ANK3: variants seen among roughly 807,000 people sequenced by gnomAD.
ANK3 encodes the protein ankyrin-3.
Under a neutral mutation model 370.9 loss-of-function variants are expected in ANK3, and 57 were observed. The ratio of observed to expected loss-of-function variants is 0.15; its 90% CI spans 0.12 to 0.19. The LOEUF (loss-of-function observed/expected upper bound fraction) is 0.19, where lower values mean the gene tolerates loss of function less well. ANK3 is among the 10% of genes least tolerant of loss of function. The pLI is 1.00. For missense variants in ANK3, 4,439 were observed against 5,302.1 expected, an observed-to-expected ratio of 0.84 and a Z score of 5.06; for synonymous variants, 1,929 against 1,946.3, an observed-to-expected ratio of 0.99 and a Z score of 0.23.
At chr10:60,630,819 A>G (rs1358982356) in intron 1 of ANK3, among the ~76,000 whole-genome samples, 1 of 152,166 alleles carries the variant, frequency 6.6e-6, no homozygotes, top group Non-Finnish European at 1.5e-5. Context: ...AGAAAGCTAA[A>G]GCTGGACCCT....
chr10:60,332,067 G>A (rs1239546287), intron 1 of ANK3, among the ~76,000 whole-genome samples: 8 of 151,448 alleles, frequency 5.3e-5, no homozygotes, highest in South Asian at 2.1e-4. Flanking sequence ...TTTTTGTCGC[G>A]GTTTAAGCCC....
At chr10:60,500,271 T>C (rs535873681) in intron 2 of ANK3, among the ~76,000 whole-genome samples, 2 of 152,324 alleles carry the variant, frequency 1.3e-5, no homozygotes, top group East Asian at 3.9e-4. Context: ...ATTATTCATC[T>C]GGGCTTTGTA....
intron 1 of ANK3, among the ~76,000 whole-genome samples, chr10:60,685,822 G>A (rs2079260489): frequency 6.6e-6 from 1 of 152,106 alleles, no homozygotes; most frequent in African/African-American, 2.4e-5. Context: ...AAGAACAGAG[G>A]ACTTTTAATG....
chr10:60,164,602 C>T (rs57757147), intron 23 of ANK3, among the ~76,000 whole-genome samples: 6,053 of 152,130 alleles, frequency 0.04, 336 homozygotes, highest in African/African-American at 0.12. Context: ...ATGTAGTCTT[C>T]CCATCAACTT....
Position 60,145,938 on chromosome 10 carries a change from T to G in ANK3, c.2615-6851A>C, listed in dbSNP as rs1036677464. On this transcript the variant is annotated intron_variant, in intron 23 of 43. Coordinates refer to ENST00000280772, the MANE Select transcript of ANK3 (RefSeq NM_020987.5). ...ATTGCCTTTCAAAATGGGAACTATATTTACTGGGGCAAAGAGGAGGGAGAC... is the reference window on the plus strand; with the variant it reads ...ATTGCCTTTCAAAATGGGAACTATAGTTACTGGGGCAAAGAGGAGGGAGAC... 8 of 736,792 alleles carry G rather than the reference T, an allele frequency of 1.1e-5. No homozygotes were observed. In the Admixed American group the frequency reaches 1.6e-4, roughly 15 times the overall value. The allele number at this position is 736,792 out of a possible 1,614,324, so 45.6% of individuals were successfully genotyped here. A position where few individuals can be genotyped will look rare whatever the true frequency, so the allele number is the denominator to read the frequency against.
At position 60,186,895 on chromosome 10, in the gene ANK3, C is replaced by T; in HGVS notation, c.1905G>A (p.Leu635=). The change falls in exon 17 of 44, where the codon CTG becomes CTA. Residue 635 remains leucine, a synonymous_variant. Coordinates refer to ENST00000280772, the MANE Select transcript of ANK3 (RefSeq NM_020987.5). ...TCTGGTTCTTTTTGGCAGCGATGTG[C>T]AGTGGCGTATAACCATTCTGTCAAC... ...HAAAKNGYTP[L]HIAAKKNQMD... 1 of 1,614,092 alleles carries T rather than the reference C, an allele frequency of 6.2e-7. No individual in the cohort carries two copies. Among genetic ancestry groups the T allele is most frequent in the South Asian group, 1.1e-5 (1 of 91,078 alleles).
At chr10:60,317,921 T>G (rs1391277584) in intron 1 of ANK3, among the ~76,000 whole-genome samples, 1 of 152,072 alleles carries the variant, frequency 6.6e-6, no homozygotes, top group Non-Finnish European at 1.5e-5. Flanking sequence ...TTTCACTGCG[T>G]TAGCCAGGAT....
At chr10:60,372,515 T>C (rs971609625) in intron 1 of ANK3, among the ~76,000 whole-genome samples, 3 of 152,182 alleles carry the variant, frequency 2.0e-5, no homozygotes, top group African/African-American at 4.8e-5. Context: ...TGGGTGGCCA[T>C]GACAGGGTGC....
At chr10:60,225,061 G>A (rs996214545) in intron 8 of ANK3, among the ~76,000 whole-genome samples, 10 of 151,846 alleles carry the variant, frequency 6.6e-5, no homozygotes, top group Admixed American at 6.6e-4. Flanking sequence ...TTACAGGCAT[G>A]CCCCACCATT....
chr10:60,196,348 A>G, intron 15 of ANK3, 105 bp from the exon 16 acceptor site: 1 of 1,112,640 alleles, frequency 9.0e-7, no homozygotes, highest in South Asian at 1.4e-5. Flanking sequence ...GGGCATATTT[A>G]CATTCCGGTT....
At chr10:60,040,852 T>C (rs1325241327) in intron 43 of ANK3, among the ~76,000 whole-genome samples, 1 of 152,214 alleles carries the variant, frequency 6.6e-6, no homozygotes, top group East Asian at 1.9e-4. Flanking sequence ...TACAGATGAC[T>C]GACCTCTTTT....
At chr10:60,538,410 C>A (rs2076771057) in intron 2 of ANK3, among the ~76,000 whole-genome samples, 1 of 151,880 alleles carries the variant, frequency 6.6e-6, no homozygotes, top group Admixed American at 6.6e-5. Flanking sequence ...TCTTTTCCTT[C>A]CTTGGAAAAG....
At chr10:60,691,173 C>G (rs2079346698) in intron 1 of ANK3, among the ~76,000 whole-genome samples, 1 of 152,258 alleles carries the variant, frequency 6.6e-6, no homozygotes, top group Non-Finnish European at 1.5e-5. Context: ...TTTTACATTT[C>G]TTGACACATA....
At chr10:60,256,069 T>C (rs1044863583) in intron 7 of ANK3, among the ~76,000 whole-genome samples, 13 of 152,222 alleles carry the variant, frequency 8.5e-5, no homozygotes, top group African/African-American at 3.1e-4. Context: ...GGGGACACTG[T>C]TACAGAGGAC....
Position 60,108,940 on chromosome 10 carries a change from G to A in ANK3, c.3063C>T (p.Thr1021=), listed in dbSNP as rs539642932. Residue 1021 remains threonine (T), a synonymous_variant, in exon 27 of 44, where the codon ACC becomes ACT. Coordinates refer to ENST00000280772, the MANE Select transcript of ANK3 (RefSeq NM_020987.5). ...PRKCTAPTRI[T]CRLVKRHKLA... ...GTTTATGTCTCTTTACCAAACGGCA[G>A]GTGATTCGAGTGGGGGCCGTACACT... 76 of 1,614,104 alleles carry A rather than the reference G, an allele frequency of 4.7e-5. No homozygotes were observed. In the South Asian group the frequency reaches 7.8e-4, roughly 17 times the overall value.
intron 2 of ANK3, among the ~76,000 whole-genome samples, chr10:60,517,191 A>G (rs976741980): frequency 1.3e-5 from 2 of 152,060 alleles, no homozygotes; most frequent in African/African-American, 4.8e-5. Flanking sequence ...CAGCCTCCTG[A>G]GTAGCTGGGA....
chr10:60,526,269 T>C (rs2076468052), intron 2 of ANK3, among the ~76,000 whole-genome samples: 1 of 152,284 alleles, frequency 6.6e-6, no homozygotes, highest in South Asian at 2.1e-4. Flanking sequence ...ACGTATTTGA[T>C]AGATTGTTCT....
chr10:60,442,484 T>C (rs187265369), intron 2 of ANK3, among the ~76,000 whole-genome samples: 3 of 152,336 alleles, frequency 2.0e-5, no homozygotes, highest in African/African-American at 4.8e-5. Flanking sequence ...ATATTGTGTT[T>C]AATTTGTTTT....
chr10:60,565,668 C>T (rs2077442811), intron 2 of ANK3, among the ~76,000 whole-genome samples: 2 of 152,168 alleles, frequency 1.3e-5, no homozygotes, highest in Non-Finnish European at 2.9e-5. Flanking sequence ...CACCAGGCAG[C>T]TCTGAATCAT....
Sources: allele counts gnomAD v4.1 joint callset (sites outside exome capture counted in the v4.1 genomes callset), GRCh38; gene constraint gnomAD v4.1.1; transcripts MANE v1.5; gene names NCBI Gene and HGNC (gene_info 2026-07-23, HGNC 2026-07-21).